ABI2: variants seen among roughly 807,000 people sequenced by gnomAD.
ABI2 encodes abl interactor 2.
Under a neutral mutation model 59.2 loss-of-function variants are expected in ABI2, and 25 were observed. The observed-to-expected ratio is 0.42, with a 90% confidence interval of 0.31 to 0.59. ABI2 has a LOEUF of 0.59. ABI2 is among the 20% of genes least tolerant of loss of function. The probability of loss-of-function intolerance (pLI) is 0.14; values close to 1 mark genes in which losing one functional copy is unlikely to be tolerated. For missense variants in ABI2, 545 were observed against 681.8 expected, an observed-to-expected ratio of 0.80 and a Z score of 2.23; for synonymous variants, 213 against 235.5, an observed-to-expected ratio of 0.90 and a Z score of 0.87.
chr2:203,360,554 T>TA (rs2093344422), intron 1 of ABI2, among the ~76,000 whole-genome samples: 1 of 152,080 alleles, frequency 6.6e-6, no homozygotes, highest in East Asian at 1.9e-4. Flanking sequence ...ACAGAGATGG[T>TA]AAGAATAGAG....
chr2:203,430,868 C>A lies in ABI2; in HGVS notation c.*3516C>A, dbSNP rs988056096. Reference sequence around the variant, plus strand: ...GTTGAAGATAACTAAAGATTTTTCTCTTTGGGAGGCATCAAAATGATGGTA... The same window carrying A: ...GTTGAAGATAACTAAAGATTTTTCTATTTGGGAGGCATCAAAATGATGGTA... On this transcript the variant is annotated 3_prime_UTR_variant, in exon 12 of 12. Coordinates refer to ENST00000261018, the MANE Select transcript of ABI2 (RefSeq NM_001375670.1). 4 of 152,174 alleles carry A rather than the reference C, an allele frequency of 2.6e-5. No homozygotes were observed. The highest frequency in any genetic ancestry group is 9.7e-5 in the African/African-American group (4 of 41,440). The allele number at this position is 152,174 out of a possible 1,614,324, so 9.4% of individuals were successfully genotyped here.
At chr2:203,328,769 G>A (rs1036750986) in intron 1 of ABI2, 138 bp downstream of exon 1, 6 of 462,996 alleles carry the variant, frequency 1.3e-5, no homozygotes, top group Non-Finnish European at 2.3e-5. Context: ...GGTGAGGGCT[G>A]GGGCTGGTGA....
chr2:203,365,676 CTAGAG>C (rs2094327931), intron 1 of ABI2, among the ~76,000 whole-genome samples: 1 of 117,036 alleles, frequency 8.5e-6, no homozygotes, highest in African/African-American at 3.3e-5. Flanking sequence ...GTTGCCCAGG[CTAGAG>C]TACAGTGCCA....
intron 10 of ABI2, among the ~76,000 whole-genome samples, chr2:203,411,668 G>C (rs1380086041): frequency 6.6e-6 from 1 of 152,164 alleles, no homozygotes; most frequent in Non-Finnish European, 1.5e-5. Flanking sequence ...GGGTTGCTCA[G>C]ATAAGTGGTA....
intron 1 of ABI2, among the ~76,000 whole-genome samples, chr2:203,332,785 G>T (rs2074448497): frequency 1.3e-5 from 2 of 152,062 alleles, no homozygotes; most frequent in Admixed American, 1.3e-4. Context: ...CTCCCTATTT[G>T]TTACTTCCCT....
chr2:203,364,841 C>T (rs1252732038), intron 1 of ABI2, among the ~76,000 whole-genome samples: 1 of 151,394 alleles, frequency 6.6e-6, no homozygotes, highest in African/African-American at 2.4e-5. Flanking sequence ...TCAAGTCATC[C>T]TCCCACCTCA....
chr2:203,335,963 A>G (rs531264710), intron 1 of ABI2, among the ~76,000 whole-genome samples: 1 of 152,128 alleles, frequency 6.6e-6, no homozygotes, highest in East Asian at 1.9e-4. Context: ...TCCCTCCACT[A>G]CTAGCCTTTG....
In ABI2 at chr2:203,396,768, C is replaced by T; in HGVS notation, c.851-17C>T. 1 of 1,515,582 alleles carries T rather than the reference C, an allele frequency of 6.6e-7. No homozygotes were observed. The highest frequency in any genetic ancestry group is 8.8e-7 in the Non-Finnish European group (1 of 1,138,114). 93.9% of individuals were successfully genotyped at this position (1,515,582 alleles called of 1,614,324 possible). Reference sequence around the variant, plus strand: ...ATTGCCTCATTAATGCTGCCTCTTACTCCTCTTTCCCCTCAGCCCCTGCTG... The same window carrying T: ...ATTGCCTCATTAATGCTGCCTCTTATTCCTCTTTCCCCTCAGCCCCTGCTG... On this transcript the variant is annotated splice_polypyrimidine_tract_variant and intron_variant, in intron 7 of 11. Transcript: ENST00000261018.
In ABI2 at chr2:203,431,318, A is replaced by G. The variant is rs2098481789; in HGVS notation, c.*3966A>G. On this transcript the variant is annotated 3_prime_UTR_variant, in exon 12 of 12. Coordinates refer to ENST00000261018, the MANE Select transcript of ABI2 (RefSeq NM_001375670.1). Reference sequence around the variant, plus strand: ...GTACTTAATTTTCCACTGCACCACAACTGTCTTAACTAAATGTGCTGTATT... The same window carrying G: ...GTACTTAATTTTCCACTGCACCACAGCTGTCTTAACTAAATGTGCTGTATT... 1 of 152,632 alleles carries G rather than the reference A, an allele frequency of 6.6e-6. No individual in the cohort carries two copies. Among genetic ancestry groups the G allele is most frequent in the South Asian group, 2.1e-4 (1 of 4,832 alleles). The allele number at this position is 152,632 out of a possible 1,614,324, so 9.5% of individuals were successfully genotyped here.
At chr2:203,346,323 C>T (rs1003565139) in intron 1 of ABI2, among the ~76,000 whole-genome samples, 3 of 152,114 alleles carry the variant, frequency 2.0e-5, no homozygotes, top group African/African-American at 4.8e-5. Flanking sequence ...TTTTTGCTAA[C>T]AACCACAAAA....
In ABI2 at chr2:203,391,082, CGT is replaced by C; in HGVS notation, c.518_519del (p.Arg173HisfsTer10). The C allele has an allele frequency of 3.1e-6, 5 of 1,613,826 alleles. No individual in the cohort carries two copies. Among genetic ancestry groups the C allele is most frequent in the Non-Finnish European group, 4.2e-6 (5 of 1,179,954 alleles). On this transcript the variant is annotated frameshift_variant, in exon 5 of 12. Coordinates refer to ENST00000261018, the MANE Select transcript of ABI2 (RefSeq NM_001375670.1). LOFTEE classifies it high-confidence loss of function. ...TQNMKMGGLPRTTPPTQKPPS... is the reference protein window; with the variant it reads ...TQNMKMGGLPXTTPPTQKPPS... ...GAACATGAAGATGGGTGGGCTGCCG[CGT>C]ACAACACCTCCAACTCAGAAGCCCC...
intron 1 of ABI2, among the ~76,000 whole-genome samples, chr2:203,334,983 A>G (rs947660695): frequency 6.6e-6 from 1 of 152,022 alleles, no homozygotes; most frequent in African/African-American, 2.4e-5. Context: ...TTGATAGCTT[A>G]TGGTTGAATT....
intron 1 of ABI2, among the ~76,000 whole-genome samples, chr2:203,345,445 A>G (rs1470904957): frequency 6.6e-6 from 1 of 152,092 alleles, no homozygotes; most frequent in African/African-American, 2.4e-5. Flanking sequence ...CAGACCAAGA[A>G]CCCACCGGAA....
chr2:203,412,990 A>G (rs1291570350), intron 10 of ABI2, among the ~76,000 whole-genome samples: 1 of 152,230 alleles, frequency 6.6e-6, no homozygotes, highest in Admixed American at 6.5e-5. Context: ...TCCATCACAA[A>G]TCCGGTTTAA....
intron 1 of ABI2, among the ~76,000 whole-genome samples, chr2:203,362,029 T>A (rs1296719419): frequency 6.6e-6 from 1 of 152,210 alleles, no homozygotes; most frequent in Non-Finnish European, 1.5e-5. Context: ...ACAGATCAGT[T>A]TGGAAAGAAA....
intron 11 of ABI2, 109 bp from the exon 12 acceptor site, chr2:203,427,068 T>C (rs2098443938): frequency 3.3e-6 from 3 of 904,586 alleles, no homozygotes; most frequent in South Asian, 1.8e-5. Context: ...AAAGTCACCA[T>C]GTTTGAGTGC....
chr2:203,391,820 CAAA>C (rs1373761885), intron 5 of ABI2, among the ~76,000 whole-genome samples: 19 of 59,838 alleles, frequency 3.2e-4, no homozygotes, highest in Admixed American at 3.7e-4. Flanking sequence ...GCCCCTGTCT[CAAA>C]AAAAAAAAAA....
chr2:203,369,075 G>A (rs1350799844), intron 2 of ABI2, among the ~76,000 whole-genome samples: 1 of 129,232 alleles, frequency 7.7e-6, no homozygotes, highest in Non-Finnish European at 1.5e-5. Flanking sequence ...GGCTCAAGCA[G>A]TCTCCCACCT....
At chr2:203,363,174 A>G (rs1037227682) in intron 1 of ABI2, among the ~76,000 whole-genome samples, 3 of 151,942 alleles carry the variant, frequency 2.0e-5, no homozygotes, top group South Asian at 2.1e-4. Context: ...TTTCGTGAGT[A>G]TATAGGAGTA....
Sources: gnomAD v4.1 joint callset for allele counts (sites outside exome capture counted in the v4.1 genomes callset) on GRCh38, gnomAD v4.1.1 for gene constraint, MANE v1.5 for transcripts, NCBI Gene and HGNC (gene_info 2026-07-23, HGNC 2026-07-21) for gene names.